The following OR8D1 variants were observed in gnomAD, a reference collection of about 807,000 sequenced individuals.
The protein encoded by OR8D1 is olfactory receptor 8D1.
For missense variants in OR8D1, 384 were observed against 366.8 expected (o/e 1.05, Z -0.38); for synonymous variants, 143 against 147.0 (o/e 0.97, Z 0.20).
At position 124,305,588 on chromosome 11, in the gene OR8D1, A is replaced by G. The variant is rs545145965; in HGVS notation, c.*4252T>C. The G allele has an allele frequency of 6.6e-6, 1 of 152,000 alleles. No individual in the cohort carries two copies. The highest frequency in any genetic ancestry group is 1.5e-5 in the Non-Finnish European group (1 of 67,862). 9.4% of individuals were successfully genotyped at this position (152,000 alleles called of 1,614,324 possible). A position where few individuals can be genotyped will look rare whatever the true frequency, so the allele number is the denominator to read the frequency against. On this transcript the variant is annotated 3_prime_UTR_variant, in exon 3 of 3. Coordinates refer to ENST00000641015, the MANE Select transcript of OR8D1 (RefSeq NM_001002917.2). Reference sequence around the variant, plus strand: ...CCTCCAGGAGTGATGCTAATATTCTATATCTTTACCTGGAGAGTCACTAAA... The same window carrying G: ...CCTCCAGGAGTGATGCTAATATTCTGTATCTTTACCTGGAGAGTCACTAAA...
rs768400326 is a variant in OR8D1, at chr11:124,309,975, T to C, written c.792A>G (p.Ser264=). 6.4e-7 allele frequency: 1 copy of C among 1,574,792 alleles called. No homozygotes were observed. The highest frequency in any genetic ancestry group is 1.2e-5 in the South Asian group (1 of 83,652). The part of the protein sequence containing the change: ...SITFMYFKPP[S]SNSLDQEKVS... ...CCTTCTCCTGGTCCAGGGAGTTACT[T>C]GAAGGGGGCTTGAAATACATGAAGG... The change falls in exon 3 of 3, where the codon TCA becomes TCG. Residue 264 remains serine, a synonymous_variant. Coordinates refer to ENST00000641015, the MANE Select transcript of OR8D1 (RefSeq NM_001002917.2).
At chr11:124,311,846 A>G (rs1364131876) in intron 1 of OR8D1, among the ~76,000 whole-genome samples, 170 bp from the exon 2 acceptor site, 2 of 152,168 alleles carry the variant, frequency 1.3e-5, no homozygotes, top group African/African-American at 2.4e-5. Flanking sequence ...TAGTCCAGCT[A>G]GAAAGAAACC....
chr11:124,310,183 T>C lies in OR8D1; in HGVS notation c.584A>G (p.Asn195Ser), dbSNP rs185084501. 14 of 1,613,618 alleles carry C rather than the reference T, an allele frequency of 8.7e-6. No homozygotes were observed. In the Admixed American group the frequency reaches 1.2e-4, roughly 13 times the overall value. The part of the protein sequence containing the change: ...LNLSCSNTHL[N>S]ELLLFIIAGF... ...CGCAATGATAAAAAGTAGAAGCTCA[T>C]TGAGGTGTGTGTTGGAGCAGGAGAG... The change falls in exon 3 of 3, where the codon AAT becomes AGT. Residue 195 changes from asparagine to serine, a missense_variant. By Grantham distance (46) the Asn-to-Ser change is conservative. Transcript: ENST00000641015.
intron 1 of OR8D1, among the ~76,000 whole-genome samples, chr11:124,312,900 G>A (rs1016056079): frequency 2.0e-5 from 3 of 152,074 alleles, no homozygotes; most frequent in South Asian, 2.1e-4. Flanking sequence ...TGAGCCAGGC[G>A]TGGTGCCTCA....
At position 124,302,934 on chromosome 11, in the gene OR8D1, G is replaced by A. The variant is rs1862336824; in HGVS notation, c.*6906C>T. The A allele has an allele frequency of 1.3e-5, 2 of 152,094 alleles. No homozygotes were observed. The highest frequency in any genetic ancestry group is 4.1e-4 in the South Asian group (2 of 4,834). The allele number at this position is 152,094 out of a possible 1,614,324, so 9.4% of individuals were successfully genotyped here. A position where few individuals can be genotyped will look rare whatever the true frequency, so the allele number is the denominator to read the frequency against. On this transcript the variant is annotated 3_prime_UTR_variant, in exon 3 of 3. Coordinates refer to ENST00000641015, the MANE Select transcript of OR8D1 (RefSeq NM_001002917.2). ...TATGCAGGAATGCAGTTTCACAAGT[G>A]AATCTGGAGCCAGGGCTTCCTGTCT...
Position 124,310,039 on chromosome 11 carries a change from G to C in OR8D1, c.728C>G (p.Ser243Cys). The C allele has an allele frequency of 1.2e-6, 2 of 1,612,336 alleles. No homozygotes were observed. Among genetic ancestry groups the C allele is most frequent in the Non-Finnish European group, 1.7e-6 (2 of 1,179,046 alleles). Residue 243 changes from serine (S) to cysteine (C), a missense_variant, in exon 3 of 3, where the codon TCT (serine) becomes TGT (cysteine). Ser to Cys is a moderately radical substitution (Grantham distance 112). Coordinates refer to ENST00000641015, the MANE Select transcript of OR8D1 (RefSeq NM_001002917.2). ...GRSKAFGTCS[S>C]HLMAVVIFFG... ...GAAGATCACCACAGCCATGAGATGA[G>C]AGCTGCATGTTCCAAAAGCTTTGGA...
Position 124,305,343 on chromosome 11 carries a change from T to G in OR8D1, c.*4497A>C, listed in dbSNP as rs1489394306. On this transcript the variant is annotated 3_prime_UTR_variant, in exon 3 of 3. Coordinates refer to ENST00000641015, the MANE Select transcript of OR8D1 (RefSeq NM_001002917.2). ...GTAAAGAGTATATACTGTATGGCCT[T>G]ATAAACACAAAATTCTTGGAAATGC... The G allele has an allele frequency of 6.6e-6, 1 of 151,818 alleles. No individual in the cohort carries two copies. Among genetic ancestry groups the G allele is most frequent in the Non-Finnish European group, 1.5e-5 (1 of 67,856 alleles). The allele number at this position is 151,818 out of a possible 1,614,324, so 9.4% of individuals were successfully genotyped here. A position where few individuals can be genotyped will look rare whatever the true frequency, so the allele number is the denominator to read the frequency against.
Position 124,310,165 on chromosome 11 carries a change from A to AT in OR8D1, c.601dup (p.Ile201AsnfsTer6). On this transcript the variant is annotated frameshift_variant, in exon 3 of 3. Coordinates refer to ENST00000641015, the MANE Select transcript of OR8D1 (RefSeq NM_001002917.2). LOFTEE classifies it low-confidence loss of function (END_TRUNC). The stretch of plus-strand genomic sequence containing the variant: ...CACCAAGGTGTTAAACCCCGCAATG[A>AT]TAAAAAGTAGAAGCTCATTGAGGTG... 1 of 1,613,728 alleles carries AT rather than the reference A, an allele frequency of 6.2e-7. No individual in the cohort carries two copies. The highest frequency in any genetic ancestry group is 8.5e-7 in the Non-Finnish European group (1 of 1,179,900).
intron 1 of OR8D1, among the ~76,000 whole-genome samples, chr11:124,313,040 G>T (rs2137794475): frequency 6.6e-6 from 1 of 151,770 alleles, no homozygotes; most frequent in Non-Finnish European, 1.5e-5. Flanking sequence ...TGGACGTGGT[G>T]GTAAGCATCT....
rs994418663 is a variant in OR8D1 at position 124,308,432 on chromosome 11, G to T, written c.*1408C>A. The T allele has an allele frequency of 6.6e-6, 1 of 152,012 alleles. No homozygotes were observed. The highest frequency in any genetic ancestry group is 1.5e-5 in the Non-Finnish European group (1 of 67,992). 9.4% of individuals were successfully genotyped at this position (152,012 alleles called of 1,614,324 possible). On this transcript the variant is annotated 3_prime_UTR_variant, in exon 3 of 3. Transcript: ENST00000641015. ...TAAGATAACATTAAAAAATATTAGAGCAAGGCATACAGAAGAGAAGATGTA... is the reference window on the plus strand; with the variant it reads ...TAAGATAACATTAAAAAATATTAGATCAAGGCATACAGAAGAGAAGATGTA...
Position 124,311,574 on chromosome 11 carries a change from T to TAA in OR8D1, c.-20_-19insTT, listed in dbSNP as rs1862422079. The TAA allele has an allele frequency of 6.6e-6, 1 of 152,192 alleles. No homozygotes were observed. The highest frequency in any genetic ancestry group is 2.4e-5 in the African/African-American group (1 of 41,428). 9.4% of individuals were successfully genotyped at this position (152,192 alleles called of 1,614,324 possible). On this transcript the variant is annotated 5_prime_UTR_variant, in exon 2 of 3. Transcript: ENST00000641015. ...TCCGCACACCCCACAGAACAGACCT[T>TAA]ACGGTGGCAGGAAAAGGTGCTTCTG...
rs1862414428 is a variant in OR8D1 at position 124,310,700 on chromosome 11, G to A, written c.67C>T (p.Leu23Phe). The A allele has an allele frequency of 6.2e-7, 1 of 1,613,736 alleles. No homozygotes were observed. The highest frequency in any genetic ancestry group is 1.3e-5 in the African/African-American group (1 of 74,898). ...VLDGLTQQAE[L>F]QLPLFLLFLG... ...AACAGGAGGAAGAGGGGCAGCTGGA[G>A]CTCTGCTTGCTGTGTTAAACCATCT... The change falls in exon 3 of 3, where the codon CTC (leucine) becomes TTC (phenylalanine). Residue 23 changes from leucine to phenylalanine, a missense_variant. Physicochemically the swap from Leu to Phe is conservative, Grantham distance 22. Transcript: ENST00000641015.
rs1369193266 is a variant in OR8D1 at position 124,310,510 on chromosome 11, AG to A, written c.256del (p.Leu86Ter). On this transcript the variant is annotated frameshift_variant, in exon 3 of 3. Transcript: ENST00000641015. LOFTEE classifies it low-confidence loss of function (END_TRUNC). ...VITPKMLVNF[L>X]GKKNTILYSE... The stretch of plus-strand genomic sequence containing the variant: ...GTAAAGGATTGTATTCTTCTTTCCT[AG>A]GAAGTTCACCAGCATTTTGGGAGTA... The A allele has an allele frequency of 2.5e-6, 4 of 1,613,674 alleles. No homozygotes were observed. In the Admixed American group the frequency reaches 5.0e-5, roughly 20 times the overall value.
intron 1 of OR8D1, 80 bp downstream of exon 1, chr11:124,313,641 A>T (rs1862442434): frequency 6.6e-6 from 1 of 152,280 alleles, no homozygotes; most frequent in African/African-American, 2.4e-5. Context: ...ATGTTGCACA[A>T]GGGTCAGCAC....
chr11:124,310,920 T>C, intron 2 of OR8D1, 138 bp from the exon 3 acceptor site: 3 of 591,382 alleles, frequency 5.1e-6, no homozygotes, highest in South Asian at 2.6e-5. Flanking sequence ...TTGATACCTC[T>C]GCTTTGTCTC....
At position 124,303,149 on chromosome 11, in the gene OR8D1, A is replaced by T. The variant is rs1862338931; in HGVS notation, c.*6691T>A. The T allele has an allele frequency of 6.6e-6, 1 of 152,468 alleles. No individual in the cohort carries two copies. The highest frequency in any genetic ancestry group is 1.5e-5 in the Non-Finnish European group (1 of 68,268). The allele number at this position is 152,468 out of a possible 1,614,324, so 9.4% of individuals were successfully genotyped here. On this transcript the variant is annotated 3_prime_UTR_variant, in exon 3 of 3. Transcript: ENST00000641015. ...TGGCTGGGGAAGCCTCAGGAAACTT[A>T]CAATCATAGCAGAAGGGAACGCAGG...
intron 1 of OR8D1, among the ~76,000 whole-genome samples, chr11:124,313,260 G>C (rs1862438400): frequency 6.9e-6 from 1 of 144,566 alleles, no homozygotes; most frequent in Non-Finnish European, 1.5e-5. Context: ...GAAGGAAGGA[G>C]GGAAGGAAGG....
Position 124,303,826 on chromosome 11 carries a change from A to G in OR8D1, c.*6014T>C, listed in dbSNP as rs1862344733. 1 of 152,036 alleles carries G rather than the reference A, an allele frequency of 6.6e-6. No individual in the cohort carries two copies. The highest frequency in any genetic ancestry group is 1.5e-5 in the Non-Finnish European group (1 of 67,958). The allele number at this position is 152,036 out of a possible 1,614,324, so 9.4% of individuals were successfully genotyped here. A position where few individuals can be genotyped will look rare whatever the true frequency, so the allele number is the denominator to read the frequency against. On this transcript the variant is annotated 3_prime_UTR_variant, in exon 3 of 3. Coordinates refer to ENST00000641015, the MANE Select transcript of OR8D1 (RefSeq NM_001002917.2). ...TCAATGAGTTTTGATAAATACATTC[A>G]TTCAAATAACTAGCACACCTATCAA... is the stretch of plus-strand genomic sequence containing the variant.
Position 124,307,676 on chromosome 11 carries a change from A to G in OR8D1, c.*2164T>C, listed in dbSNP as rs959248858. 6.6e-6 allele frequency: 1 copy of G among 152,120 alleles called. No individual in the cohort carries two copies. The highest frequency in any genetic ancestry group is 2.4e-5 in the African/African-American group (1 of 41,440). 9.4% of individuals were successfully genotyped at this position (152,120 alleles called of 1,614,324 possible). A position where few individuals can be genotyped will look rare whatever the true frequency, so the allele number is the denominator to read the frequency against. ...ACACAAAGGGGAAGCTTTTTTCAAG[A>G]AAGTCATGATATGATTATAGGGAAA... On this transcript the variant is annotated 3_prime_UTR_variant, in exon 3 of 3. Transcript: ENST00000641015.
Sources: allele counts gnomAD v4.1 joint callset (sites outside exome capture counted in the v4.1 genomes callset), GRCh38; gene constraint gnomAD v4.1.1; transcripts MANE v1.5; gene names NCBI Gene and HGNC (gene_info 2026-07-23, HGNC 2026-07-21).